ARAP2: variants seen among roughly 807,000 people sequenced by gnomAD.
The protein encoded by ARAP2 is ArfGAP with RhoGAP domain, ankyrin repeat and PH domain 2.
In ARAP2, 148 loss-of-function variants were observed where a neutral mutation model predicts 194.5. The observed-to-expected ratio is 0.76, with a 90% CI of 0.67 to 0.87. The LOEUF is 0.87. ARAP2 is among the 40% of genes least tolerant of loss of function. ARAP2 has a pLI of 0.00. For missense variants in ARAP2, 2,128 were observed against 1,989.7 expected (o/e 1.07, Z -1.32); for synonymous variants, 695 against 683.5 (o/e 1.02, Z -0.26).
At chr4:36,172,809 G>T (rs545727224) in intron 9 of ARAP2, among the ~76,000 whole-genome samples, 5 of 152,324 alleles carry the variant, frequency 3.3e-5, no homozygotes, top group Admixed American at 1.3e-4. Flanking sequence ...GGCATTGTAT[G>T]ACATTGGCAC....
chr4:36,205,593 G>T (rs1036243462), intron 6 of ARAP2, among the ~76,000 whole-genome samples: 1 of 96,014 alleles, frequency 1.0e-5, no homozygotes, highest in African/African-American at 3.9e-5. Context: ...GCAATAAAAT[G>T]GTGTCCTGAA....
At chr4:36,073,944 T>A (rs748652386) in intron 31 of ARAP2, 121 bp from the exon 32 acceptor site, 4 of 1,265,744 alleles carry the variant, frequency 3.2e-6, no homozygotes, top group Non-Finnish European at 4.4e-6. Context: ...CCATGAGAAT[T>A]CCATTTGTGA....
At chr4:36,190,056 G>A (rs1468848448) in intron 7 of ARAP2, among the ~76,000 whole-genome samples, 1 of 152,104 alleles carries the variant, frequency 6.6e-6, no homozygotes, top group Non-Finnish European at 1.5e-5. Context: ...GTTTTCTTGA[G>A]GTTTCCTGAA....
In ARAP2 at chr4:36,147,571, T is replaced by G. The variant is rs976432327; in HGVS notation, c.3176A>C (p.His1059Pro). 2 of 1,613,050 alleles carry G rather than the reference T, an allele frequency of 1.2e-6. No individual in the cohort carries two copies. The highest frequency in any genetic ancestry group is 1.7e-6 in the Non-Finnish European group (2 of 1,179,524). Residue 1059 changes from histidine to proline, a missense_variant, in exon 18 of 33, where the codon CAC becomes CCC. Physicochemically the swap from His to Pro is moderately conservative, Grantham distance 77. Coordinates refer to ENST00000303965, the MANE Select transcript of ARAP2 (RefSeq NM_015230.4). ...QMQEVQGDRM[H>P]LRRLQELTIS... is the part of the protein sequence containing the mutation. ...ACTTAGCTCTTGCAGTCTTCTTAAG[T>G]GCATTCTATCTCCCTGAACTTCTTG...
chr4:36,143,220 T>C (rs866017543), intron 19 of ARAP2, among the ~76,000 whole-genome samples: 2 of 151,776 alleles, frequency 1.3e-5, no homozygotes, highest in South Asian at 2.1e-4. Context: ...TTTACTTTTA[T>C]GCACACGGTG....
At chr4:36,149,842 T>C (rs1459102365) in intron 16 of ARAP2, among the ~76,000 whole-genome samples, 9 of 152,162 alleles carry the variant, frequency 5.9e-5, no homozygotes, top group Admixed American at 2.6e-4. Context: ...ATAAAGGTAA[T>C]ATGTTCAATG....
intron 16 of ARAP2, among the ~76,000 whole-genome samples, chr4:36,148,865 CCAAA>C (rs942634562): frequency 2.0e-5 from 3 of 152,098 alleles, no homozygotes; most frequent in African/African-American, 4.8e-5. Flanking sequence ...CAAACACTGC[CCAAA>C]CAGTTTTTAA....
rs1414527784 is a variant in ARAP2, at chr4:36,011,274, T to A, written n.1325+1289A>T. On this transcript the variant is annotated intron_variant and non_coding_transcript_variant, in intron 9 of 12. Coordinates refer to the ARAP2 transcript ENST00000503225. The stretch of plus-strand genomic sequence containing the variant: ...CAACCACCATTACACGTTTTTCAAG[T>A]CTTATAAGGGAACGTCTGTATTTGT... Among the ~76,000 whole-genome samples, 4 of 152,152 alleles carry A rather than the reference T, an allele frequency of 2.6e-5. No individual in the cohort carries two copies. The East Asian group carries it at 7.7e-4, about 29-fold the overall frequency.
intron 15 of ARAP2, among the ~76,000 whole-genome samples, chr4:36,153,229 G>C (rs1031934009): frequency 6.6e-6 from 1 of 152,134 alleles, no homozygotes; most frequent in African/African-American, 2.4e-5. Context: ...GCAGGTGCAC[G>C]TATTGTCTTT....
At chr4:36,100,233 C>A (rs930266307) in intron 27 of ARAP2, among the ~76,000 whole-genome samples, 4 of 152,018 alleles carry the variant, frequency 2.6e-5, no homozygotes, top group South Asian at 2.1e-4. Context: ...TTTAGCCCAG[C>A]GCACATAGTA....
chr4:36,037,142 A>G (rs937738869), intron 5 of ARAP2, among the ~76,000 whole-genome samples: 1 of 152,154 alleles, frequency 6.6e-6, no homozygotes, highest in Admixed American at 6.6e-5. Context: ...ACTCTTTAGT[A>G]TGGTGCCTGT....
At chr4:36,083,753 A>T (rs1057395101) in intron 28 of ARAP2, among the ~76,000 whole-genome samples, 5 of 152,134 alleles carry the variant, frequency 3.3e-5, no homozygotes, top group African/African-American at 4.8e-5. Context: ...TCAGATGTGC[A>T]TCATGTCGTG....
rs543273343 is a variant in ARAP2, at chr4:36,038,187, G to A, written n.607+7792C>T. ...CTACACAGCTTTATCGTGAGGGCAAGAGGTCTCATCTGCCCAACCTCCCAT... is the reference window on the plus strand; with the variant it reads ...CTACACAGCTTTATCGTGAGGGCAAAAGGTCTCATCTGCCCAACCTCCCAT... On this transcript the variant is annotated intron_variant and non_coding_transcript_variant, in intron 5 of 12. Transcript: ENST00000503225. 3.9e-5 allele frequency among the ~76,000 whole-genome samples: 6 copies of A among 152,276 alleles called. No homozygotes were observed. In the East Asian group the frequency reaches 1.2e-3, roughly 29 times the overall value.
At chr4:36,034,771 A>G (rs73123406) in intron 5 of ARAP2, among the ~76,000 whole-genome samples, 2,096 of 152,196 alleles carry the variant, frequency 0.014, 34 homozygotes, top group African/African-American at 0.041. Flanking sequence ...TGTTCTTTCA[A>G]TGCCTAGTTG....
chr4:36,165,143 A>T, intron 10 of ARAP2, 30 bp from the exon 11 acceptor site: 2 of 1,610,902 alleles, frequency 1.2e-6, no homozygotes. Flanking sequence ...TGTGTTATCG[A>T]TCTCCCTTGT....
At chr4:36,161,341 T>C (rs1733901342) in intron 12 of ARAP2, 124 bp downstream of exon 12, 1 of 669,360 alleles carries the variant, frequency 1.5e-6, no homozygotes, top group African/African-American at 1.8e-5. Context: ...TTCCATAATG[T>C]GGTGAGAACT....
chr4:36,162,515 A>T (rs965034610), intron 11 of ARAP2, among the ~76,000 whole-genome samples: 4 of 152,110 alleles, frequency 2.6e-5, no homozygotes, highest in African/African-American at 9.7e-5. Context: ...AAAAAAGTGT[A>T]CAGTCCACTA....
intron 10 of ARAP2, 85 bp from the exon 11 acceptor site, chr4:36,165,198 T>C (rs1399172862): frequency 1.5e-6 from 2 of 1,339,348 alleles, no homozygotes; most frequent in Non-Finnish European, 2.1e-6. Flanking sequence ...TTCATTTCAC[T>C]CACAAATTAA....
chr4:36,064,738 G>A (rs576095061), downstream of ARAP2, among the ~76,000 whole-genome samples: 4 of 152,306 alleles, frequency 2.6e-5, no homozygotes, highest in South Asian at 6.2e-4. Flanking sequence ...TGAAGTCCAT[G>A]GACCCAGGTA....
Sources: allele counts gnomAD v4.1 joint callset (sites outside exome capture counted in the v4.1 genomes callset), GRCh38; gene constraint gnomAD v4.1.1; transcripts MANE v1.5; gene names NCBI Gene and HGNC (gene_info 2026-07-23, HGNC 2026-07-21).